The following UTRN variants were observed in gnomAD, a reference collection of about 807,000 sequenced individuals.
UTRN encodes the protein dystrophin-related protein 1.
Under a neutral mutation model 463.9 loss-of-function variants are expected in UTRN, and 283 were observed. That is an observed-to-expected ratio of 0.61 (90% CI 0.55 to 0.67). The LOEUF is 0.67. Among genes scored for constraint, UTRN ranks in the 30% least tolerant of loss-of-function variants. UTRN has a pLI of 0.00. For synonymous variants in UTRN, 1,442 were observed against 1,431.5 expected, an observed-to-expected ratio of 1.01 and a Z score of -0.17; for missense variants, 3,922 against 4,084.3, an observed-to-expected ratio of 0.96 and a Z score of 1.08.
chr6:144,808,423 C>T (rs1467593480), intron 65 of UTRN, among the ~76,000 whole-genome samples: 1 of 151,960 alleles, frequency 6.6e-6, no homozygotes, highest in Non-Finnish European at 1.5e-5. Context: ...GTGAAAATTA[C>T]CCTACTCAGA....
At chr6:144,561,380 T>G (rs559032278) in intron 50 of UTRN, among the ~76,000 whole-genome samples, 1 of 150,870 alleles carries the variant, frequency 6.6e-6, no homozygotes, top group East Asian at 2.0e-4. Flanking sequence ...ATAGACGTGT[T>G]TGCACATGCA....
At position 144,851,115 on chromosome 6, in the gene UTRN, T is replaced by C. The variant is rs1203838116; in HGVS notation, c.*118T>C. Reference sequence around the variant, plus strand: ...TGGCTCCTTGGCCCACGATGTTGAGTGCTGACTGTGTGTTCTACTGAAAGA... The same window carrying C: ...TGGCTCCTTGGCCCACGATGTTGAGCGCTGACTGTGTGTTCTACTGAAAGA... On this transcript the variant is annotated 3_prime_UTR_variant, in exon 75 of 75. Transcript: ENST00000367545. 1 of 1,296,052 alleles carries C rather than the reference T, an allele frequency of 7.7e-7. No homozygotes were observed. Among genetic ancestry groups the C allele is most frequent in the Non-Finnish European group, 1.1e-6 (1 of 891,344 alleles). The allele number at this position is 1,296,052 out of a possible 1,614,324, so 80.3% of individuals were successfully genotyped here.
chr6:144,342,333 GTACACACA>G (rs1305053089), intron 2 of UTRN, among the ~76,000 whole-genome samples: 1 of 124,454 alleles, frequency 8.0e-6, no homozygotes, highest in African/African-American at 4.2e-5. Flanking sequence ...CTACTTCTGG[GTACACACA>G]TACACACACA....
intron 65 of UTRN, among the ~76,000 whole-genome samples, chr6:144,815,507 G>A (rs1461678976): frequency 9.9e-5 from 15 of 152,222 alleles, no homozygotes; most frequent in Admixed American, 7.2e-4. Flanking sequence ...TAGAGAAGCC[G>A]ACAGTGCAGC....
chr6:144,773,603 C>T (rs997646260), intron 59 of UTRN, among the ~76,000 whole-genome samples: 1 of 152,120 alleles, frequency 6.6e-6, no homozygotes, highest in Non-Finnish European at 1.5e-5. Context: ...TCAAAGAAAA[C>T]AGGGAAAAGT....
chr6:144,495,354 T>G (rs1793521867), intron 33 of UTRN, among the ~76,000 whole-genome samples: 1 of 152,224 alleles, frequency 6.6e-6, no homozygotes, highest in Non-Finnish European at 1.5e-5. Flanking sequence ...CTGGCACTGC[T>G]GGGGGACCCA....
In UTRN at chr6:144,476,510, T is replaced by C. The variant is rs533795005; in HGVS notation, c.3336+1751T>C. 1.8e-4 allele frequency among the ~76,000 whole-genome samples: 28 copies of C among 152,244 alleles called. No individual in the cohort carries two copies. The South Asian group carries it at 5.6e-3, about 30-fold the overall frequency. On this transcript the variant is annotated intron_variant, in intron 25 of 74. Coordinates refer to ENST00000367545, the MANE Select transcript of UTRN (RefSeq NM_007124.3). ...CAGGATTTTTACAAAGCTTCCACTT[T>C]GTGTGAATTGTGGTGTCATTTACTG...
intron 35 of UTRN, 142 bp downstream of exon 35, chr6:144,511,265 C>G: frequency 1.2e-6 from 1 of 802,858 alleles, no homozygotes; most frequent in African/African-American, 1.8e-5. Flanking sequence ...TTTCATTAGA[C>G]TAGGTTTTAT....
intron 51 of UTRN, among the ~76,000 whole-genome samples, chr6:144,673,570 C>T (rs2128680068): frequency 6.6e-6 from 1 of 152,116 alleles, no homozygotes; most frequent in African/African-American, 2.4e-5. Context: ...ACAGCAGATA[C>T]TTGGTTGTTG....
intron 62 of UTRN, among the ~76,000 whole-genome samples, chr6:144,789,923 C>T (rs1272916331): frequency 6.6e-6 from 1 of 152,082 alleles, no homozygotes; most frequent in African/African-American, 2.4e-5. Flanking sequence ...GACTTGTGTT[C>T]AGGAGCCAAG....
chr6:144,393,500 C>T (rs967236828), intron 2 of UTRN, among the ~76,000 whole-genome samples: 7 of 151,980 alleles, frequency 4.6e-5, no homozygotes, highest in Non-Finnish European at 7.4e-5. Flanking sequence ...GAAAAAGAAA[C>T]GATGGAAAAA....
chr6:144,294,900 T>C (rs1205176845), intron 2 of UTRN, among the ~76,000 whole-genome samples: 1 of 152,186 alleles, frequency 6.6e-6, no homozygotes, highest in Non-Finnish European at 1.5e-5. Context: ...AAGCCATGTA[T>C]TTATTTATGG....
intron 51 of UTRN, among the ~76,000 whole-genome samples, chr6:144,656,542 G>A (rs1382517302): frequency 6.6e-6 from 1 of 152,090 alleles, no homozygotes; most frequent in African/African-American, 2.4e-5. Context: ...CTCCCAAGTA[G>A]CTGGGATTAT....
rs546695016 is a variant in UTRN, at chr6:144,479,245, A to G, written c.3337-567A>G. Reference sequence around the variant, plus strand: ...GCAATTCTCCCGCCTCTACCTCCCAAGTAGCTGGGACTACAGGCATGCACC... The same window carrying G: ...GCAATTCTCCCGCCTCTACCTCCCAGGTAGCTGGGACTACAGGCATGCACC... On this transcript the variant is annotated intron_variant, in intron 25 of 74. Transcript: ENST00000367545. Among the ~76,000 whole-genome samples, 9 of 151,616 alleles carry G rather than the reference A, an allele frequency of 5.9e-5. No homozygotes were observed. In the South Asian group the frequency reaches 1.9e-3, roughly 32 times the overall value.
intron 18 of UTRN, among the ~76,000 whole-genome samples, chr6:144,452,026 T>C (rs1000734730): frequency 6.6e-6 from 1 of 152,198 alleles, no homozygotes; most frequent in Admixed American, 6.5e-5. Context: ...TCCTGGGTGC[T>C]CATACGTCTC....
At chr6:144,707,921 T>C (rs529292994) in intron 53 of UTRN, among the ~76,000 whole-genome samples, 2 of 152,308 alleles carry the variant, frequency 1.3e-5, no homozygotes, top group South Asian at 2.1e-4. Context: ...TTTTAAGTTC[T>C]AGGATACTCA....
At chr6:144,737,374 G>A (rs1437930124) in intron 54 of UTRN, among the ~76,000 whole-genome samples, 1 of 152,102 alleles carries the variant, frequency 6.6e-6, no homozygotes, top group Admixed American at 6.6e-5. Context: ...ACAGCAATGA[G>A]GAGAAAGAAA....
At chr6:144,790,114 A>G (rs912575627) in intron 62 of UTRN, among the ~76,000 whole-genome samples, 3 of 152,256 alleles carry the variant, frequency 2.0e-5, no homozygotes, top group East Asian at 3.8e-4. Context: ...CTTGGAGAAT[A>G]ATTAGGAGTA....
At chr6:144,425,448 T>C (rs2114856772) in intron 6 of UTRN, among the ~76,000 whole-genome samples, 1 of 152,350 alleles carries the variant, frequency 6.6e-6, no homozygotes. Flanking sequence ...TGTATAAATA[T>C]TTAGTTTTTA....
Sources: gnomAD v4.1 joint callset for allele counts (sites outside exome capture counted in the v4.1 genomes callset) on GRCh38, gnomAD v4.1.1 for gene constraint, MANE v1.5 for transcripts, NCBI Gene and HGNC (gene_info 2026-07-23, HGNC 2026-07-21) for gene names.